SAMMSON: variants seen among roughly 807,000 people sequenced by gnomAD.
SAMMSON encodes long intergenic non-protein coding RNA 1212.
At chr3:70,297,988 AT>A (rs1702305998) in intron 7 of SAMMSON, among the ~76,000 whole-genome samples, 1 of 152,050 alleles carries the variant, frequency 6.6e-6, no homozygotes, top group African/African-American at 2.4e-5. Flanking sequence ...CAGGGGAGAA[AT>A]TTTTAAAAAT....
At chr3:70,410,666 T>C (rs929403448) in intron 2 of SAMMSON, among the ~76,000 whole-genome samples, 4 of 152,234 alleles carry the variant, frequency 2.6e-5, no homozygotes, top group Admixed American at 6.5e-5. Context: ...TCCACAATTT[T>C]ATAATTTGTT....
chr3:70,288,014 T>C (rs899931043), intron 6 of SAMMSON, among the ~76,000 whole-genome samples: 31 of 152,132 alleles, frequency 2.0e-4, no homozygotes, highest in African/African-American at 7.5e-4. Context: ...AACCAGCTCC[T>C]GGATTCATTA....
Position 70,403,138 on chromosome 3 carries a change from A to G in SAMMSON, n.233+44814A>G, listed in dbSNP as rs574098987. Among the ~76,000 whole-genome samples, 9 of 152,280 alleles carry G rather than the reference A, an allele frequency of 5.9e-5. No individual in the cohort carries two copies. The East Asian group carries it at 1.7e-3, about 29-fold the overall frequency. Reference sequence around the variant, plus strand: ...TGTGTGGATAACATTATTATTTTGCATAATGAGCAATGAAATCAAATGATG... The same window carrying G: ...TGTGTGGATAACATTATTATTTTGCGTAATGAGCAATGAAATCAAATGATG... On this transcript the variant is annotated intron_variant and non_coding_transcript_variant, in intron 2 of 3. Coordinates refer to the SAMMSON transcript ENST00000641053.
chr3:70,375,739 A>G (rs567596071), intron 9 of SAMMSON, among the ~76,000 whole-genome samples: 2 of 152,038 alleles, frequency 1.3e-5, no homozygotes, highest in South Asian at 2.1e-4. Flanking sequence ...TCTGCCCCTT[A>G]TTGCTCATAG....
chr3:70,099,748 T>A (rs1455309635), intron 4 of SAMMSON, among the ~76,000 whole-genome samples: 1 of 152,212 alleles, frequency 6.6e-6, no homozygotes, highest in Non-Finnish European at 1.5e-5. Flanking sequence ...GTCTCATTCT[T>A]CCAAGTTCTT....
chr3:70,146,364 AT>A (rs1186592463), intron 4 of SAMMSON, among the ~76,000 whole-genome samples: 2 of 152,012 alleles, frequency 1.3e-5, no homozygotes, highest in African/African-American at 4.8e-5. Flanking sequence ...CAGTACAAAA[AT>A]AGAAAACTAT....
chr3:70,309,372 T>C (rs1397439458), intron 7 of SAMMSON, among the ~76,000 whole-genome samples: 2 of 152,198 alleles, frequency 1.3e-5, no homozygotes, highest in East Asian at 1.9e-4. Flanking sequence ...CTATTACCAA[T>C]GGTTCAAAGT....
chr3:70,123,037 C>G (rs1227655808), intron 4 of SAMMSON, among the ~76,000 whole-genome samples: 3 of 152,194 alleles, frequency 2.0e-5, no homozygotes, highest in African/African-American at 7.2e-5. Context: ...TAGTCCCTAG[C>G]CCTTACCTGA....
At chr3:70,328,135 C>A (rs1285191155) in intron 7 of SAMMSON, among the ~76,000 whole-genome samples, 1 of 152,142 alleles carries the variant, frequency 6.6e-6, no homozygotes, top group Non-Finnish European at 1.5e-5. Flanking sequence ...TTCACTATCA[C>A]AATAATAGCA....
intron 1 of SAMMSON, chr3:70,012,224 T>C (rs2066959474): frequency 6.6e-6 from 1 of 152,144 alleles, no homozygotes; most frequent in African/African-American, 2.4e-5. Context: ...AGTCAAAAAA[T>C]GGCTCCTCAA....
intron 4 of SAMMSON, chr3:70,125,285 T>C: frequency 7.7e-7 from 1 of 1,290,604 alleles, no homozygotes; most frequent in Non-Finnish European, 1.1e-6. Flanking sequence ...TGATGAAAAG[T>C]CAACATATCT....
intron 9 of SAMMSON, among the ~76,000 whole-genome samples, chr3:70,378,261 T>C (rs569667695): frequency 5.7e-4 from 87 of 152,062 alleles, no homozygotes; most frequent in African/African-American, 2.0e-3. Flanking sequence ...TTAGGAAATA[T>C]CACACCACTA....
chr3:70,297,682 T>G (rs1259073146), intron 7 of SAMMSON, among the ~76,000 whole-genome samples: 1 of 152,120 alleles, frequency 6.6e-6, no homozygotes, highest in African/African-American at 2.4e-5. Context: ...AGTTAAAATA[T>G]TTTCTTCCTT....
At chr3:70,185,652 T>C (rs1227283404) in intron 4 of SAMMSON, among the ~76,000 whole-genome samples, 1 of 151,954 alleles carries the variant, frequency 6.6e-6, no homozygotes, top group Non-Finnish European at 1.5e-5. Flanking sequence ...GATGCAGAAG[T>C]ATCACCTAAA....
chr3:70,221,109 G>A lies in SAMMSON; in HGVS notation n.508-27998G>A, dbSNP rs1341189828. Among the ~76,000 whole-genome samples, 7 of 152,236 alleles carry A rather than the reference G, an allele frequency of 4.6e-5. No individual in the cohort carries two copies. In the East Asian group the frequency reaches 1.2e-3, roughly 25 times the overall value. ...ATTTTCAGATGAGAAATTTTCAGACGTGAAGTTCTTTGGAAACTGAATAGA... is the reference window on the plus strand; with the variant it reads ...ATTTTCAGATGAGAAATTTTCAGACATGAAGTTCTTTGGAAACTGAATAGA... On this transcript the variant is annotated intron_variant and non_coding_transcript_variant, in intron 4 of 9. Coordinates refer to ENST00000642114, the Ensembl canonical transcript of SAMMSON.
chr3:70,208,194 C>G (rs543218754), intron 4 of SAMMSON, among the ~76,000 whole-genome samples: 8 of 152,206 alleles, frequency 5.3e-5, no homozygotes, highest in South Asian at 4.1e-4. Flanking sequence ...TTTGGTGGCA[C>G]AACTGGGACG....
chr3:70,056,151 G>A (rs1338012334), intron 3 of SAMMSON, among the ~76,000 whole-genome samples: 1 of 151,950 alleles, frequency 6.6e-6, no homozygotes, highest in Non-Finnish European at 1.5e-5. Flanking sequence ...CTCAAAGTTA[G>A]AGACAAAGGG....
In SAMMSON at chr3:70,288,829, G is replaced by A. The variant is rs376219265; in HGVS notation, n.675-2350G>A. On this transcript the variant is annotated intron_variant and non_coding_transcript_variant, in intron 6 of 9. Coordinates refer to ENST00000642114, the Ensembl canonical transcript of SAMMSON. ...CATTATGTAATGGCCTTCTTTGTCT[G>A]TTTTGATCTTTGTTGGTTTAAAGTC... is the stretch of plus-strand genomic sequence containing the variant. Among the ~76,000 whole-genome samples, 11 of 151,314 alleles carry A rather than the reference G, an allele frequency of 7.3e-5. No individual in the cohort carries two copies. The South Asian group carries it at 8.4e-4, about 12-fold the overall frequency.
At chr3:70,376,466 A>C (rs1703015062) in intron 9 of SAMMSON, among the ~76,000 whole-genome samples, 1 of 152,298 alleles carries the variant, frequency 6.6e-6, no homozygotes, top group South Asian at 2.1e-4. Context: ...TTGTTTTATA[A>C]GGAAAGAATC....
Sources: allele counts gnomAD v4.1 joint callset (sites outside exome capture counted in the v4.1 genomes callset), GRCh38; gene constraint gnomAD v4.1.1; transcripts MANE v1.5; gene names NCBI Gene and HGNC (gene_info 2026-07-23, HGNC 2026-07-21).